The following EMC3 variants were observed in gnomAD, a reference collection of about 807,000 sequenced individuals.
The protein encoded by EMC3 is 30 kDa protein.
EMC3 carries 13 observed loss-of-function variants against 36.6 expected under a neutral mutation model. The observed-to-expected ratio is 0.35, with a 90% CI of 0.23 to 0.56. The LOEUF (loss-of-function observed/expected upper bound fraction) is 0.56, where lower values mean the gene tolerates loss of function less well. EMC3 is among the 20% of genes least tolerant of loss of function. EMC3 has a pLI of 0.84. For synonymous variants in EMC3, 120 were observed against 111.9 expected (o/e 1.07, Z -0.46); for missense variants, 220 against 324.5 (o/e 0.68, Z 2.47).
intron 1 of EMC3, among the ~76,000 whole-genome samples, chr3:9,999,260 G>A (rs1408790299): frequency 1.9e-5 from 2 of 107,428 alleles, no homozygotes; most frequent in Non-Finnish European, 3.9e-5. Flanking sequence ...TTTTTTTTTT[G>A]GAGATGGAGT....
chr3:9,969,591 G>T, intron 7 of EMC3, 128 bp downstream of exon 7: 1 of 1,542,736 alleles, frequency 6.5e-7, no homozygotes, highest in African/African-American at 1.4e-5. Context: ...TGTAAACTAT[G>T]TTTTTACTAA....
chr3:10,001,405 CA>C (rs60785369), intron 1 of EMC3, among the ~76,000 whole-genome samples: 20,530 of 79,142 alleles, frequency 0.26, 2,982 homozygotes, highest in African/African-American at 0.5. Flanking sequence ...GCTAAAAATA[CA>C]AAAAAAAAAA....
chr3:9,979,307 T>A (rs1163513971), intron 1 of EMC3, among the ~76,000 whole-genome samples: 1 of 152,168 alleles, frequency 6.6e-6, no homozygotes, highest in Non-Finnish European at 1.5e-5. Context: ...GATCAAAATA[T>A]TTTACAAAAG....
upstream of EMC3, chr3:9,987,000 G>C (rs1315073539): frequency 1.9e-6 from 2 of 1,079,962 alleles, no homozygotes; most frequent in Non-Finnish European, 2.3e-6. Flanking sequence ...GGGATCACGA[G>C]GTCAGGGGAT....
chr3:9,991,481 T>C (rs2086051593), upstream of EMC3, among the ~76,000 whole-genome samples: 1 of 152,190 alleles, frequency 6.6e-6, no homozygotes, highest in African/African-American at 2.4e-5. Context: ...ATATATTGTT[T>C]TTACAAAAGC....
chr3:9,964,143 C>T lies in EMC3; in HGVS notation c.712G>A (p.Glu238Lys). Residue 238 changes from glutamate to lysine, a missense_variant, in exon 8 of 8, where the codon GAA becomes AAA. Transcript: ENST00000245046. The part of the protein sequence containing the change: ...TDHQWALDDV[E>K]EELMAKDLHF... The stretch of plus-strand genomic sequence containing the variant: ...AGGTCTTTGGCCATGAGCTCTTCTT[C>T]GACATCATCTAGTGCCCACTGGTGA... 2 of 1,614,098 alleles carry T rather than the reference C, an allele frequency of 1.2e-6. No homozygotes were observed. The highest frequency in any genetic ancestry group is 1.7e-6 in the Non-Finnish European group (2 of 1,180,028).
At chr3:9,985,969 G>T (rs1016579334) in intron 1 of EMC3, among the ~76,000 whole-genome samples, 6 of 152,138 alleles carry the variant, frequency 3.9e-5, no homozygotes, top group African/African-American at 1.2e-4. Context: ...CCACTCTAGT[G>T]GGGGGAAATA....
rs2085710402 is a variant in EMC3, at chr3:9,963,649, TG to T, written c.*419del. On this transcript the variant is annotated 3_prime_UTR_variant, in exon 8 of 8. Coordinates refer to ENST00000245046, the MANE Select transcript of EMC3 (RefSeq NM_001394674.1). ...CCACCACGCCCGGCTAATTTTTTTT[TG>T]TATTTTTAGTAGAGATGGGGTTTCA... 2 of 153,848 alleles carry T rather than the reference TG, an allele frequency of 1.3e-5. No individual in the cohort carries two copies. Among genetic ancestry groups the T allele is most frequent in the Admixed American group, 1.3e-4 (2 of 15,628 alleles). The allele number at this position is 153,848 out of a possible 1,614,324, so 9.5% of individuals were successfully genotyped here.
At chr3:9,977,539 G>T (rs2085862974) in intron 1 of EMC3, 93 bp from the exon 2 acceptor site, 1 of 1,132,670 alleles carries the variant, frequency 8.8e-7, no homozygotes, top group Non-Finnish European at 1.3e-6. Flanking sequence ...AAACACAAGA[G>T]AGGGCCTATT....
intron 4 of EMC3, 79 bp from the exon 5 acceptor site, chr3:9,973,788 G>T: frequency 1.5e-6 from 2 of 1,338,104 alleles, no homozygotes; most frequent in Non-Finnish European, 1.1e-6. Context: ...CAGAGGAGGT[G>T]GGAACTCTGT....
At chr3:9,973,874 A>C (rs540670177) in intron 4 of EMC3, among the ~76,000 whole-genome samples, 165 bp from the exon 5 acceptor site, 1 of 152,232 alleles carries the variant, frequency 6.6e-6, no homozygotes, top group Admixed American at 6.5e-5. Context: ...TCAAAATGCC[A>C]CTCTGCTCTA....
chr3:9,986,951 C>T (rs1454123756), upstream of EMC3: 12 of 1,189,676 alleles, frequency 1.0e-5, no homozygotes, highest in Admixed American at 3.9e-5. Context: ...CTCGGTGGCT[C>T]ACTCCTGGAA....
intron 1 of EMC3, among the ~76,000 whole-genome samples, chr3:9,983,071 G>C (rs1242327752): frequency 1.3e-5 from 2 of 152,020 alleles, no homozygotes; most frequent in Non-Finnish European, 2.9e-5. Flanking sequence ...TATGAGCAGA[G>C]ACATTTTCTC....
intron 1 of EMC3, among the ~76,000 whole-genome samples, chr3:10,000,019 GT>G (rs2086177747): frequency 6.6e-6 from 1 of 152,010 alleles, no homozygotes; most frequent in African/African-American, 2.4e-5. Context: ...TTAAGTTTTT[GT>G]TGTTGTTGTT....
intron 7 of EMC3, among the ~76,000 whole-genome samples, chr3:9,964,683 G>A (rs1195047255): frequency 6.6e-6 from 1 of 152,096 alleles, no homozygotes; most frequent in African/African-American, 2.4e-5. Context: ...ATCTTCAGTG[G>A]GCCTAAGAAC....
chr3:9,972,262 A>G (rs907006519), intron 5 of EMC3, among the ~76,000 whole-genome samples: 5 of 152,040 alleles, frequency 3.3e-5, no homozygotes, highest in African/African-American at 1.2e-4. Context: ...CACTCCCATA[A>G]GCTCAAGGGT....
intron 1 of EMC3, among the ~76,000 whole-genome samples, chr3:9,982,567 T>C (rs1480929261): frequency 2.6e-5 from 4 of 152,064 alleles, no homozygotes; most frequent in African/African-American, 9.7e-5. Context: ...AATGGACATT[T>C]ATAGTATATT....
chr3:9,990,949 C>G (rs1356408631), upstream of EMC3, among the ~76,000 whole-genome samples: 19 of 152,162 alleles, frequency 1.2e-4, no homozygotes, highest in Non-Finnish European at 4.4e-5. Context: ...CTGCCTCGGC[C>G]TCCTGAGTAG....
At chr3:9,969,458 T>G in intron 7 of EMC3, 6 of 1,349,044 alleles carry the variant, frequency 4.4e-6, no homozygotes, top group Non-Finnish European at 5.7e-6. Context: ...GCACCTCCGA[T>G]TGGATTATTT....
Sources: gnomAD v4.1 joint callset for allele counts (sites outside exome capture counted in the v4.1 genomes callset) on GRCh38, gnomAD v4.1.1 for gene constraint, MANE v1.5 for transcripts, NCBI Gene and HGNC (gene_info 2026-07-23, HGNC 2026-07-21) for gene names.